The following IFFO2 variants were observed in gnomAD, a reference collection of about 807,000 sequenced individuals.
IFFO2 encodes the protein intermediate filament family orphan 2.
Under a neutral mutation model 53.5 loss-of-function variants are expected in IFFO2, and 19 were observed. That is an observed-to-expected ratio of 0.36 (90% CI 0.25 to 0.52). The LOEUF (loss-of-function observed/expected upper bound fraction) is 0.52. Among genes scored for constraint, IFFO2 ranks in the 20% least tolerant of loss-of-function variants. IFFO2 has a pLI of 0.94. For synonymous variants in IFFO2, 303 were observed against 313.6 expected, an observed-to-expected ratio of 0.97 and a Z score of 0.36; for missense variants, 570 against 727.4, an observed-to-expected ratio of 0.78 and a Z score of 2.49.
At chr1:18,940,907 G>T (rs1557648145) in intron 1 of IFFO2, among the ~76,000 whole-genome samples, 1 of 152,318 alleles carries the variant, frequency 6.6e-6, no homozygotes, top group East Asian at 1.9e-4. Context: ...AAGCCATGAG[G>T]TTTATCTGCT....
chr1:18,915,992 G>T (rs7546676), intron 5 of IFFO2, among the ~76,000 whole-genome samples: 33,484 of 151,982 alleles, frequency 0.22, 4,034 homozygotes, highest in African/African-American at 0.32. Context: ...GGGCATCATG[G>T]TGCATGCCTG....
In IFFO2 at chr1:18,948,275, T is replaced by C. The variant is rs531075976; in HGVS notation, c.665+7393A>G. ...GAACTCGTAAGAAACCACACCCCCA[T>C]TGTACAGAGCGACAAACTGAGGTGC... On this transcript the variant is annotated intron_variant, in intron 1 of 8. Transcript: ENST00000455833. 3.3e-5 allele frequency among the ~76,000 whole-genome samples: 5 copies of C among 152,340 alleles called. No homozygotes were observed. In the East Asian group the frequency reaches 9.6e-4, roughly 29 times the overall value.
At chr1:18,942,066 C>A (rs1259183473) in intron 1 of IFFO2, among the ~76,000 whole-genome samples, 2 of 152,216 alleles carry the variant, frequency 1.3e-5, no homozygotes, top group South Asian at 2.1e-4. Context: ...CACAAAAGGC[C>A]AGTCTTCAGC....
chr1:18,924,868 G>A (rs1161363279), intron 1 of IFFO2, among the ~76,000 whole-genome samples: 4 of 152,204 alleles, frequency 2.6e-5, no homozygotes. Flanking sequence ...ACACATCCCA[G>A]TGCTCTCTGC....
chr1:18,946,352 G>A (rs921836602), intron 1 of IFFO2, among the ~76,000 whole-genome samples: 5 of 151,486 alleles, frequency 3.3e-5, no homozygotes, highest in Non-Finnish European at 7.4e-5. Flanking sequence ...TACTACACAG[G>A]TTTAAGGTTG....
rs1411732770 is a variant in IFFO2 at position 18,916,838 on chromosome 1, C to T, written c.1103+65G>A. ...CAGGCTACTCTCAGCCCAAGCCTCCCATTCACCGCCCCTGTGCAAGCAATC... is the reference window on the plus strand; with the variant it reads ...CAGGCTACTCTCAGCCCAAGCCTCCTATTCACCGCCCCTGTGCAAGCAATC... On this transcript the variant is annotated intron_variant, in intron 5 of 8. Coordinates refer to ENST00000455833, the MANE Select transcript of IFFO2 (RefSeq NM_001136265.2). The surrounding 1 kb of genome is among the most constrained non-coding windows in gnomAD (Gnocchi z 4.3). 3 of 1,527,916 alleles carry T rather than the reference C, an allele frequency of 2.0e-6. No homozygotes were observed. In the African/African-American group the frequency reaches 4.1e-5, roughly 21 times the overall value. The allele number at this position is 1,527,916 out of a possible 1,614,324, so 94.6% of individuals were successfully genotyped here. A position where few individuals can be genotyped will look rare whatever the true frequency, so the allele number is the denominator to read the frequency against.
At chr1:18,925,840 A>AT (rs1557643106) in intron 1 of IFFO2, among the ~76,000 whole-genome samples, 25 of 62,428 alleles carry the variant, frequency 4.0e-4, no homozygotes, top group Admixed American at 8.7e-4. Flanking sequence ...GGATGGATGG[A>AT]TGGATGGATG....
chr1:18,955,495 G>A (rs1416726405), intron 1 of IFFO2, among the ~76,000 whole-genome samples, 173 bp downstream of exon 1: 1 of 152,176 alleles, frequency 6.6e-6, no homozygotes, highest in African/African-American at 2.4e-5. Context: ...CCCCCATCCT[G>A]GGATCTAGAT....
rs1288029472 is a variant in IFFO2 at position 18,908,606 on chromosome 1, C to T, written c.1509G>A (p.Gln503=). 1.3e-6 allele frequency: 2 copies of T among 1,551,636 alleles called. No individual in the cohort carries two copies. The highest frequency in any genetic ancestry group is 1.4e-5 in the African/African-American group (1 of 73,048). ...SSDSGSTDEI[Q]DEFEREADVE... is the part of the protein sequence containing the mutation. ...CATCCGCCTCGCGCTCGAACTCATC[C>T]TGGATCTCATCTGTACTTCCTGAGT... The change falls in exon 9 of 9, where the codon CAG becomes CAA. Residue 503 remains glutamine (Q), a synonymous_variant. Transcript: ENST00000455833.
rs1371950662 is a variant in IFFO2, at chr1:18,917,333, G to A, written c.964-291C>T. Among the ~76,000 whole-genome samples the A allele has an allele frequency of 1.3e-5, 2 of 152,198 alleles. No homozygotes were observed. The highest frequency in any genetic ancestry group is 2.9e-5 in the Non-Finnish European group (2 of 68,036). On this transcript the variant is annotated intron_variant, in intron 4 of 8. Transcript: ENST00000455833. The surrounding 1 kb of genome is among the most constrained non-coding windows in gnomAD (Gnocchi z 5.9). ...CACAGAAGCAGCCCCACAGTTTGGG[G>A]AGAGGAGCAGGCCAGACCGGGACAC...
At chr1:18,954,802 G>C (rs1936702995) in intron 1 of IFFO2, among the ~76,000 whole-genome samples, 1 of 152,244 alleles carries the variant, frequency 6.6e-6, no homozygotes, top group Non-Finnish European at 1.5e-5. Context: ...GTCTTGCAGA[G>C]TCTGGACCCC....
intron 1 of IFFO2, among the ~76,000 whole-genome samples, chr1:18,946,960 T>C (rs990499041): frequency 4.6e-5 from 7 of 152,238 alleles, no homozygotes; most frequent in Admixed American, 4.6e-4. Flanking sequence ...GCAAGCACTG[T>C]TGGAGAAGGT....
rs1935937731 is a variant in IFFO2, at chr1:18,905,696, T to TGC, written c.*2864_*2865insGC. The TGC allele has an allele frequency of 6.9e-6, 1 of 144,054 alleles. No individual in the cohort carries two copies. Among genetic ancestry groups the TGC allele is most frequent in the Admixed American group, 6.7e-5 (1 of 14,984 alleles). The allele number at this position is 144,054 out of a possible 1,614,324, so 8.9% of individuals were successfully genotyped here. A position where few individuals can be genotyped will look rare whatever the true frequency, so the allele number is the denominator to read the frequency against. On this transcript the variant is annotated 3_prime_UTR_variant, in exon 9 of 9. Coordinates refer to ENST00000455833, the MANE Select transcript of IFFO2 (RefSeq NM_001136265.2). ...AGTCTCAGAGGAGTGCGAGTGTGTG[T>TGC]GTGTGTGTGTGTGTGTGTGTGTGTA... is the stretch of plus-strand genomic sequence containing the variant.
intron 1 of IFFO2, among the ~76,000 whole-genome samples, chr1:18,932,620 A>C (rs1467615952): frequency 6.6e-6 from 1 of 152,250 alleles, no homozygotes; most frequent in African/African-American, 2.4e-5. Context: ...CACTTAGCAC[A>C]GTGCCCAGCT....
At chr1:18,929,275 G>A (rs1014553335) in intron 1 of IFFO2, among the ~76,000 whole-genome samples, 2 of 152,212 alleles carry the variant, frequency 1.3e-5, no homozygotes, top group Non-Finnish European at 2.9e-5. Flanking sequence ...GCAGGCTCAA[G>A]TGAGGCACAC....
intron 1 of IFFO2, among the ~76,000 whole-genome samples, chr1:18,952,079 C>T (rs1936666008): frequency 6.6e-6 from 1 of 152,142 alleles, no homozygotes; most frequent in Admixed American, 6.5e-5. Context: ...TCCTGGATGC[C>T]AACTCAGGGA....
chr1:18,925,031 C>T (rs777125684), intron 1 of IFFO2, among the ~76,000 whole-genome samples: 9 of 152,218 alleles, frequency 5.9e-5, no homozygotes, highest in Admixed American at 5.9e-4. Context: ...AGAGCCGCCC[C>T]TGCCCACCCT....
At position 18,916,653 on chromosome 1, in the gene IFFO2, A is replaced by G. The variant is rs983200227; in HGVS notation, c.1103+250T>C. On this transcript the variant is annotated intron_variant, in intron 5 of 8. Coordinates refer to ENST00000455833, the MANE Select transcript of IFFO2 (RefSeq NM_001136265.2). This position sits in a 1 kb window ranked among gnomAD's most constrained non-coding sequence, Gnocchi z 4.3. ...ATGGTGGCACATGCCTGTGCTCCCA[A>G]CTACTTGGGAGGCTGAGATGAAAGG... 1.3e-5 allele frequency among the ~76,000 whole-genome samples: 2 copies of G among 151,976 alleles called. No individual in the cohort carries two copies. The highest frequency in any genetic ancestry group is 4.8e-5 in the African/African-American group (2 of 41,372).
At chr1:18,908,806 T>C in intron 8 of IFFO2, 140 bp from the exon 9 acceptor site, 1 of 657,788 alleles carries the variant, frequency 1.5e-6, no homozygotes, top group South Asian at 1.7e-5. Context: ...CTCACTCAGC[T>C]ATCCTTAAGA....
Sources: gnomAD v4.1 joint callset for allele counts (sites outside exome capture counted in the v4.1 genomes callset) on GRCh38, gnomAD v4.1.1 for gene constraint, Gnocchi (gnomAD v3.1) non-coding constraint, MANE v1.5 for transcripts, NCBI Gene and HGNC (gene_info 2026-07-23, HGNC 2026-07-21) for gene names.